The following IRF2 variants were observed in gnomAD, a reference collection of about 807,000 sequenced individuals.
IRF2 encodes interferon regulatory factor 2.
IRF2 carries 15 observed loss-of-function variants against 40.6 expected under a neutral mutation model. The observed-to-expected ratio is 0.37, with a 90% CI of 0.25 to 0.57. The LOEUF is 0.57. Ranked by LOEUF, IRF2 falls within the 20% of genes least tolerant of loss-of-function variation. IRF2 has a pLI of 0.77. For synonymous variants in IRF2, 151 were observed against 165.5 expected, an observed-to-expected ratio of 0.91 and a Z score of 0.67; for missense variants, 317 against 455.7, an observed-to-expected ratio of 0.70 and a Z score of 2.77.
chr4:184,457,250 G>A (rs745402585), intron 1 of IRF2, among the ~76,000 whole-genome samples: 1 of 152,234 alleles, frequency 6.6e-6, no homozygotes, highest in Non-Finnish European at 1.5e-5. Flanking sequence ...TCCCAATGCA[G>A]GGAAGAAGCC....
intron 1 of IRF2, among the ~76,000 whole-genome samples, chr4:184,435,949 G>A (rs1738058257): frequency 6.6e-6 from 1 of 151,554 alleles, no homozygotes. Context: ...TATTATCTCT[G>A]GAGCTTTTCT....
chr4:184,461,804 A>G (rs1399498695), intron 1 of IRF2, among the ~76,000 whole-genome samples: 1 of 151,880 alleles, frequency 6.6e-6, no homozygotes, highest in African/African-American at 2.4e-5. Flanking sequence ...CTCCTGTAAC[A>G]TTTTCAATTC....
intron 1 of IRF2, among the ~76,000 whole-genome samples, chr4:184,453,771 C>T (rs1738815889): frequency 6.6e-6 from 1 of 152,188 alleles, no homozygotes; most frequent in Non-Finnish European, 1.5e-5. Flanking sequence ...ACGGCAGGAC[C>T]TGAATTACCT....
chr4:184,392,350 G>T (rs933214486), intron 7 of IRF2, among the ~76,000 whole-genome samples: 1 of 152,200 alleles, frequency 6.6e-6, no homozygotes, highest in Non-Finnish European at 1.5e-5. Context: ...GTAAATTTTA[G>T]GTGACGTATA....
chr4:184,470,689 C>A (rs1488273586), intron 1 of IRF2, among the ~76,000 whole-genome samples: 4 of 22,068 alleles, frequency 1.8e-4, no homozygotes, highest in African/African-American at 5.0e-4. Flanking sequence ...GACTCTGCCT[C>A]AAAAAAAAAA....
intron 2 of IRF2, among the ~76,000 whole-genome samples, chr4:184,426,782 A>G (rs1737690127): frequency 6.6e-6 from 1 of 152,228 alleles, no homozygotes; most frequent in Non-Finnish European, 1.5e-5. Flanking sequence ...TTGAAAAAGG[A>G]AAAGCAGAAG....
At chr4:184,461,816 C>T in intron 1 of IRF2, among the ~76,000 whole-genome samples, 1 of 152,044 alleles carries the variant, frequency 6.6e-6, no homozygotes, top group Non-Finnish European at 1.5e-5. Context: ...TTTCAATTCA[C>T]CCTGACTTCA....
In IRF2 at chr4:184,466,060, G is replaced by GTTT. The variant is rs750400403; in HGVS notation, c.-7+8316_-7+8318dup. On this transcript the variant is annotated intron_variant, in intron 1 of 8. Transcript: ENST00000393593. ...AACTTGTCCCATCTGGTTGTTTTTT[G>GTTT]TTTTTTGTTTTTTTTTTGAGATGAA... Among the ~76,000 whole-genome samples the GTTT allele has an allele frequency of 1.1e-3, 116 of 109,656 alleles. 9 individuals are homozygous for GTTT. Among genetic ancestry groups the GTTT allele is most frequent in the East Asian group, 8.9e-3 (31 of 3,498 alleles). The allele number at this position is 109,656 out of a possible 152,430, so 71.9% of individuals were successfully genotyped here. A position where few individuals can be genotyped will look rare whatever the true frequency, so the allele number is the denominator to read the frequency against.
intron 3 of IRF2, 40 bp downstream of exon 3, chr4:184,419,429 G>C: frequency 7.7e-7 from 1 of 1,304,266 alleles, no homozygotes; most frequent in Non-Finnish European, 1.1e-6. Context: ...AACTAAGCAA[G>C]AGTGCCTTCC....
At chr4:184,464,877 CT>C (rs1221428488) in intron 1 of IRF2, among the ~76,000 whole-genome samples, 1 of 151,458 alleles carries the variant, frequency 6.6e-6, no homozygotes, top group African/African-American at 2.4e-5. Context: ...TTTTCTCTCT[CT>C]CTCCTTTTGG....
chr4:184,429,011 G>A lies in IRF2; in HGVS notation c.54C>T (p.Ser18=), dbSNP rs1737772414. 1 of 1,614,160 alleles carries A rather than the reference G, an allele frequency of 6.2e-7. No individual in the cohort carries two copies. The highest frequency in any genetic ancestry group is 8.5e-7 in the Non-Finnish European group (1 of 1,179,982). ...GCCACTTGAGCCCCGGGATCGTGTTGGAGTTTATCTGCTCCTCCAGCCACG... is the reference window on the plus strand; with the variant it reads ...GCCACTTGAGCCCCGGGATCGTGTTAGAGTTTATCTGCTCCTCCAGCCACG... The part of the protein sequence containing the change: ...MRPWLEEQIN[S]NTIPGLKWLN... Residue 18 remains serine (S), a synonymous_variant, in exon 2 of 9, where the codon TCC becomes TCT. Transcript: ENST00000393593.
At chr4:184,458,824 C>A (rs1249000898) in intron 1 of IRF2, among the ~76,000 whole-genome samples, 1 of 152,194 alleles carries the variant, frequency 6.6e-6, no homozygotes, top group Non-Finnish European at 1.5e-5. Context: ...TGCTTCCATA[C>A]AGTTGTGATA....
At chr4:184,472,359 C>T (rs528169690) in intron 1 of IRF2, 2 of 152,380 alleles carry the variant, frequency 1.3e-5, no homozygotes, top group South Asian at 2.1e-4. Flanking sequence ...ACCGCCTGGT[C>T]TAACCCCAGA....
At chr4:184,425,189 T>A (rs1000194315) in intron 2 of IRF2, among the ~76,000 whole-genome samples, 3 of 152,174 alleles carry the variant, frequency 2.0e-5, no homozygotes, top group African/African-American at 4.8e-5. Context: ...GCAAAAGAGA[T>A]CTTGGAATGA....
chr4:184,424,518 T>C (rs1382169486), intron 2 of IRF2, among the ~76,000 whole-genome samples: 3 of 152,266 alleles, frequency 2.0e-5, no homozygotes, highest in African/African-American at 7.2e-5. Context: ...GGTAGGATTG[T>C]GGCTTTTTAA....
At chr4:184,460,705 GCACA>G (rs1296842334) in intron 1 of IRF2, among the ~76,000 whole-genome samples, 1 of 148,900 alleles carries the variant, frequency 6.7e-6, no homozygotes, top group African/African-American at 2.5e-5. Context: ...ACATGCACAC[GCACA>G]CACACACACG....
intron 2 of IRF2, among the ~76,000 whole-genome samples, chr4:184,424,125 T>C (rs1737584250): frequency 6.6e-6 from 1 of 152,146 alleles, no homozygotes; most frequent in Non-Finnish European, 1.5e-5. Flanking sequence ...TACAGGCATA[T>C]GAAAATTTGC....
intron 4 of IRF2, 159 bp downstream of exon 4, chr4:184,418,373 G>A (rs188247218): frequency 1.7e-5 from 16 of 946,028 alleles, no homozygotes; most frequent in South Asian, 1.2e-4. Context: ...CTGGTGAATC[G>A]AAAGTCTTGT....
At chr4:184,466,331 G>A (rs943823742) in intron 1 of IRF2, among the ~76,000 whole-genome samples, 3 of 152,086 alleles carry the variant, frequency 2.0e-5, no homozygotes, top group Non-Finnish European at 2.9e-5. Flanking sequence ...GATTACAGGC[G>A]TGAGCCACCG....
Sources: allele counts gnomAD v4.1 joint callset (sites outside exome capture counted in the v4.1 genomes callset), GRCh38; gene constraint gnomAD v4.1.1; transcripts MANE v1.5; gene names NCBI Gene and HGNC (gene_info 2026-07-23, HGNC 2026-07-21).